The following WDR62 variants were observed in gnomAD, a reference collection of about 807,000 sequenced individuals.
The protein encoded by WDR62 is WD repeat domain 62, also known as WD repeat-containing protein 62.
A neutral mutation model predicts 160.6 loss-of-function variants in WDR62; 112 were observed. The observed-to-expected ratio is 0.70, with a 90% CI of 0.60 to 0.82. The LOEUF (loss-of-function observed/expected upper bound fraction) is 0.82. Among genes scored for constraint, WDR62 ranks in the 40% least tolerant of loss-of-function variants. The pLI is 0.00. For missense variants in WDR62, 1,819 were observed against 1,983.8 expected (o/e 0.92, Z 1.58); for synonymous variants, 792 against 815.1 (o/e 0.97, Z 0.48).
Position 36,073,324 on chromosome 19 carries a change from C to T in WDR62, c.1044-18C>T. ...CAGTGACATTGATGGTGATTGATTA[C>T]CCATGTGGCCTTGTTAGCTTCCTCT... On this transcript the variant is annotated intron_variant, in intron 8 of 31. Coordinates refer to ENST00000401500, the MANE Select transcript of WDR62 (RefSeq NM_001083961.2). 6.2e-7 allele frequency: 1 copy of T among 1,613,742 alleles called. No homozygotes were observed. Among genetic ancestry groups the T allele is most frequent in the Non-Finnish European group, 8.5e-7 (1 of 1,179,662 alleles).
In WDR62 at chr19:36,099,636, G is replaced by C; in HGVS notation, c.2739+19G>C. On this transcript the variant is annotated intron_variant, in intron 22 of 31. Coordinates refer to ENST00000401500, the MANE Select transcript of WDR62 (RefSeq NM_001083961.2). ...GAGTGAGGTACACACTTCCACCGCA[G>C]CCTGGCCCATAGCCCCGGCACCGTG... is the stretch of plus-strand genomic sequence containing the variant. 1.2e-6 allele frequency: 2 copies of C among 1,613,178 alleles called. No homozygotes were observed. The highest frequency in any genetic ancestry group is 1.7e-6 in the Non-Finnish European group (2 of 1,179,608).
downstream of WDR62, among the ~76,000 whole-genome samples, chr19:36,107,130 T>C (rs181477384): frequency 6.6e-6 from 1 of 152,312 alleles, no homozygotes; most frequent in East Asian, 1.9e-4. Flanking sequence ...GGGCCCAAGA[T>C]GGAGGGACGT....
At chr19:36,097,568 G>A (rs1438507973) in intron 21 of WDR62, among the ~76,000 whole-genome samples, 1 of 151,938 alleles carries the variant, frequency 6.6e-6, no homozygotes, top group African/African-American at 2.4e-5. Flanking sequence ...GCAACAGAGT[G>A]AGATCCTGTC....
At chr19:36,081,992 G>A in intron 10 of WDR62, 1 of 371,350 alleles carries the variant, frequency 2.7e-6, no homozygotes, top group Non-Finnish European at 5.3e-6. Context: ...TGGGAGGCTG[G>A]GAAGAAAAGT....
intron 10 of WDR62, chr19:36,081,899 G>C (rs1162642074): frequency 6.0e-6 from 3 of 496,804 alleles, no homozygotes; most frequent in Non-Finnish European, 1.2e-5. Flanking sequence ...TTCCCTGGGA[G>C]AGCACCTGAT....
intron 3 of WDR62, among the ~76,000 whole-genome samples, chr19:36,063,161 T>G (rs544908143): frequency 6.6e-6 from 1 of 152,306 alleles, no homozygotes; most frequent in East Asian, 1.9e-4. Flanking sequence ...GCCAGGATGG[T>G]CTCGATCTCC....
intron 9 of WDR62, among the ~76,000 whole-genome samples, chr19:36,076,323 T>C (rs1212244592): frequency 6.6e-6 from 1 of 151,984 alleles, no homozygotes; most frequent in African/African-American, 2.4e-5. Context: ...TTTGGAAGGC[T>C]GGGGCAGGGG....
At chr19:36,078,152 GTT>G (rs60096728) in intron 9 of WDR62, among the ~76,000 whole-genome samples, 2 of 138,206 alleles carry the variant, frequency 1.4e-5, no homozygotes, top group Non-Finnish European at 1.6e-5. Flanking sequence ...AAGTTTTTTT[GTT>G]TTTTTTTTTT....
intron 5 of WDR62, among the ~76,000 whole-genome samples, chr19:36,066,899 G>A (rs929235825): frequency 6.6e-6 from 1 of 152,256 alleles, no homozygotes. Flanking sequence ...CGCCTCCCTC[G>A]TGGGGCTTTT....
At position 36,103,557 on chromosome 19, in the gene WDR62, C is replaced by T. The variant is rs1002593648; in HGVS notation, c.3729C>T (p.Ala1243=). 5.6e-6 allele frequency: 9 copies of T among 1,614,012 alleles called. No homozygotes were observed. Among genetic ancestry groups the T allele is most frequent in the Non-Finnish European group, 7.6e-6 (9 of 1,180,038 alleles). ...SLGDSEGPIV[A]TLAQPLRRPS... is the part of the protein sequence containing the mutation. ...GTGACAGTGAGGGCCCTATCGTGGCCACACTGGCCCAGCCCCTCCGTAGGC... is the reference window on the plus strand; with the variant it reads ...GTGACAGTGAGGGCCCTATCGTGGCTACACTGGCCCAGCCCCTCCGTAGGC... The change falls in exon 30 of 32, where the codon GCC becomes GCT. Residue 1243 remains alanine (A), a synonymous_variant. Transcript: ENST00000401500.
At chr19:36,068,998 C>T (rs1481653614) in intron 7 of WDR62, among the ~76,000 whole-genome samples, 5 of 151,020 alleles carry the variant, frequency 3.3e-5, no homozygotes, top group African/African-American at 7.3e-5. Context: ...CCCCACCTCC[C>T]TCCCTGACGG....
chr19:36,111,102 C>A, the WDR62 span: 1 of 1,113,082 alleles, frequency 9.0e-7, no homozygotes, highest in Non-Finnish European at 1.3e-6. Flanking sequence ...TGAGGTTCCT[C>A]AGAGGCTTCC....
intron 25 of WDR62, 52 bp downstream of exon 25, chr19:36,101,826 G>A (rs779890849): frequency 1.0e-4 from 157 of 1,519,242 alleles, no homozygotes; most frequent in Non-Finnish European, 1.3e-4. Flanking sequence ...CTGGCTTAGG[G>A]CCAGTCACAA....
At chr19:36,091,340 T>TGC in intron 17 of WDR62, 29 bp downstream of exon 17, 4 of 1,579,162 alleles carry the variant, frequency 2.5e-6, no homozygotes, top group South Asian at 1.1e-5. Flanking sequence ...TTGGGATGCC[T>TGC]CCCCACCCGC....
At chr19:36,062,858 C>T (rs1283841137) in intron 3 of WDR62, among the ~76,000 whole-genome samples, 1 of 152,110 alleles carries the variant, frequency 6.6e-6, no homozygotes, top group Non-Finnish European at 1.5e-5. Flanking sequence ...CCAAAGGATT[C>T]TGTCTAGAAT....
At chr19:36,098,454 AC>A (rs1973110180) in intron 21 of WDR62, among the ~76,000 whole-genome samples, 1 of 151,962 alleles carries the variant, frequency 6.6e-6, no homozygotes, top group Non-Finnish European at 1.5e-5. Flanking sequence ...AGTCCCAACT[AC>A]TGGTAAGGCT....
intron 15 of WDR62, among the ~76,000 whole-genome samples, 185 bp from the exon 16 acceptor site, chr19:36,090,260 A>G (rs1012253137): frequency 6.6e-6 from 1 of 152,184 alleles, no homozygotes; most frequent in East Asian, 1.9e-4. Flanking sequence ...GGAGATGAAC[A>G]TTAACTCAGT....
At chr19:36,098,299 G>A (rs1973100864) in intron 21 of WDR62, among the ~76,000 whole-genome samples, 1 of 151,950 alleles carries the variant, frequency 6.6e-6, no homozygotes, top group Admixed American at 6.6e-5. Flanking sequence ...GGGTGCGGTG[G>A]CTCACGCCTG....
intron 4 of WDR62, 62 bp downstream of exon 4, chr19:36,066,077 CT>C (rs1970922261): frequency 3.1e-6 from 5 of 1,598,550 alleles, no homozygotes; most frequent in Non-Finnish European, 4.3e-6. Context: ...GCCATTCCTT[CT>C]GCTCCCGGCA....
Sources: gnomAD v4.1 joint callset for allele counts (sites outside exome capture counted in the v4.1 genomes callset) on GRCh38, gnomAD v4.1.1 for gene constraint, MANE v1.5 for transcripts, NCBI Gene and HGNC (gene_info 2026-07-23, HGNC 2026-07-21) for gene names.